Variants in MEMO1 observed in about 807,000 individuals in gnomAD.
MEMO1 encodes protein MEMO1.
Under a neutral mutation model 45.2 loss-of-function variants are expected in MEMO1, and 6 were observed. The observed-to-expected ratio is 0.13, with a 90% CI of 0.07 to 0.26. The LOEUF is 0.26. Among genes scored for constraint, MEMO1 ranks in the 10% least tolerant of loss-of-function variants. The probability of loss-of-function intolerance (pLI) is 1.00; values close to 1 mark genes in which losing one functional copy is unlikely to be tolerated. For missense variants in MEMO1, 184 were observed against 370.5 expected (o/e 0.50, Z 4.13); for synonymous variants, 78 against 124.3 (o/e 0.63, Z 2.48).
At chr2:31,981,664 A>C (rs1189926239) in intron 2 of MEMO1, among the ~76,000 whole-genome samples, 2 of 152,238 alleles carry the variant, frequency 1.3e-5, no homozygotes, top group Admixed American at 1.3e-4. Flanking sequence ...TTTACTCCCA[A>C]GAAAGTTCCC....
chr2:31,951,602 G>A (rs1005085049), intron 2 of MEMO1, among the ~76,000 whole-genome samples: 7 of 150,904 alleles, frequency 4.6e-5, no homozygotes, highest in East Asian at 1.9e-4. Flanking sequence ...GCACGATCTC[G>A]GCTCACTGCA....
At position 31,910,598 on chromosome 2, in the gene MEMO1, T is replaced by C. The variant is rs574259075; in HGVS notation, c.437+7328A>G. Reference sequence around the variant, plus strand: ...GTTGTTAGCCGGGTGCAGTGGCTCCTGCCTGTAATCCTGTACTTTGGGAGG... The same window carrying C: ...GTTGTTAGCCGGGTGCAGTGGCTCCCGCCTGTAATCCTGTACTTTGGGAGG... On this transcript the variant is annotated intron_variant, in intron 6 of 9. Transcript: ENST00000404530. Among the ~76,000 whole-genome samples the C allele has an allele frequency of 3.1e-3, 472 of 152,304 alleles. 2 individuals carry two copies. Among genetic ancestry groups the C allele is most frequent in the African/African-American group, 0.011 (446 of 41,562 alleles).
chr2:31,869,321 A>T (rs990122254), intron 9 of MEMO1, among the ~76,000 whole-genome samples: 1 of 152,160 alleles, frequency 6.6e-6, no homozygotes, highest in Non-Finnish European at 1.5e-5. Flanking sequence ...ATTAGAAGAA[A>T]AAAATGCTAT....
At chr2:32,004,538 A>C (rs1673803452) in intron 2 of MEMO1, among the ~76,000 whole-genome samples, 1 of 152,230 alleles carries the variant, frequency 6.6e-6, no homozygotes, top group South Asian at 2.1e-4. Context: ...GTGTTAGCAA[A>C]GATGAGAAGC....
At position 31,895,096 on chromosome 2, in the gene MEMO1, G is replaced by A. The variant is rs544252593; in HGVS notation, c.438-2962C>T. ...CATAGTGGGAGAGACAGATTCTGCA[G>A]TTGAAGTTCATGAAAGTTCCTAATA... On this transcript the variant is annotated intron_variant, in intron 6 of 9. Transcript: ENST00000404530. Among the ~76,000 whole-genome samples the A allele has an allele frequency of 5.3e-4, 80 of 152,352 alleles. No homozygotes were observed. The Middle Eastern group carries it at 0.017, about 32-fold the overall frequency.
At chr2:31,923,562 AGGCTTACGT>A in intron 4 of MEMO1, 1 of 1,361,458 alleles carries the variant, frequency 7.3e-7, no homozygotes, top group South Asian at 1.9e-5. Flanking sequence ...TTTAAATTAA[AGGCTTACGT>A]GGGCTATAGA....
At chr2:31,897,265 A>G (rs1428409590) in intron 6 of MEMO1, among the ~76,000 whole-genome samples, 1 of 152,224 alleles carries the variant, frequency 6.6e-6, no homozygotes, top group Admixed American at 6.5e-5. Context: ...TATGTTGAAT[A>G]GGAGTGGTGA....
chr2:31,901,590 C>T (rs549533966), intron 6 of MEMO1, among the ~76,000 whole-genome samples: 1 of 151,886 alleles, frequency 6.6e-6, no homozygotes, highest in Non-Finnish European at 1.5e-5. Flanking sequence ...CAAATGAACA[C>T]CAGGTTTCTT....
intron 2 of MEMO1, among the ~76,000 whole-genome samples, chr2:31,972,812 C>T (rs1669566222): frequency 6.6e-6 from 1 of 152,102 alleles, no homozygotes; most frequent in Non-Finnish European, 1.5e-5. Context: ...AACTCAACAA[C>T]AAAAGAGACA....
At chr2:31,958,381 T>C (rs1451286718) in intron 2 of MEMO1, among the ~76,000 whole-genome samples, 1 of 151,612 alleles carries the variant, frequency 6.6e-6, no homozygotes, top group East Asian at 2.0e-4. Context: ...GGTGCCTGGA[T>C]TGAAGTGGTA....
chr2:31,920,286 C>CA (rs1682126734), intron 5 of MEMO1, among the ~76,000 whole-genome samples: 1 of 151,688 alleles, frequency 6.6e-6, no homozygotes, highest in African/African-American at 2.4e-5. Flanking sequence ...ATAAATCAAC[C>CA]AAAATTGTAG....
rs552760692 is a variant in MEMO1 at position 31,994,490 on chromosome 2, C to T, written c.61+15697G>A. 2.0e-4 allele frequency among the ~76,000 whole-genome samples: 31 copies of T among 151,544 alleles called. 1 individual carries two copies. In the East Asian group the frequency reaches 3.6e-3, roughly 18 times the overall value. ...ACTAAAAATACAAAAATTAGCCAGG[C>T]GTGGTGGTGCGTGTCTGCAGTCCCG... On this transcript the variant is annotated intron_variant, in intron 2 of 9. Coordinates refer to ENST00000404530, the MANE Select transcript of MEMO1 (RefSeq NM_001301833.4).
At chr2:31,971,490 A>G (rs1349228459) in intron 2 of MEMO1, among the ~76,000 whole-genome samples, 1 of 152,048 alleles carries the variant, frequency 6.6e-6, no homozygotes, top group Non-Finnish European at 1.5e-5. Flanking sequence ...GTGGCCTCCC[A>G]AAGTGCTGGG....
intron 2 of MEMO1, among the ~76,000 whole-genome samples, chr2:32,001,107 CG>C (rs1437612285): frequency 2.1e-5 from 3 of 141,548 alleles, no homozygotes; most frequent in Non-Finnish European, 4.5e-5. Context: ...GGCGCAATCT[CG>C]GCTCACTGCA....
At chr2:31,986,537 ATT>A (rs1254278344) in intron 2 of MEMO1, among the ~76,000 whole-genome samples, 2 of 152,132 alleles carry the variant, frequency 1.3e-5, no homozygotes, top group Non-Finnish European at 1.5e-5. Context: ...AACCAAAATA[ATT>A]TTCTTTCATA....
intron 2 of MEMO1, among the ~76,000 whole-genome samples, chr2:31,975,913 T>C (rs2148480447): frequency 6.6e-6 from 1 of 152,286 alleles, no homozygotes; most frequent in Middle Eastern, 3.4e-3. Context: ...CTTTGCTTTT[T>C]TGAGACATTC....
rs567560751 is a variant in MEMO1 at position 31,869,318 on chromosome 2, G to GA, written c.762+529dup. ...AAATTAATAGTTTTCCTAATTAGAAGAAAAAAATGCTATTTCTTTTTCTAA... is the reference window on the plus strand; with the variant it reads ...AAATTAATAGTTTTCCTAATTAGAAGAAAAAAAATGCTATTTCTTTTTCTAA... On this transcript the variant is annotated intron_variant, in intron 9 of 9. Coordinates refer to ENST00000404530, the MANE Select transcript of MEMO1 (RefSeq NM_001301833.4). Among the ~76,000 whole-genome samples, 681 of 151,866 alleles carry GA rather than the reference G, an allele frequency of 4.5e-3. 5 individuals are homozygous for GA. Among genetic ancestry groups the GA allele is most frequent in the African/African-American group, 0.016 (647 of 41,492 alleles).
chr2:31,966,347 C>T (rs1033530201), intron 2 of MEMO1, among the ~76,000 whole-genome samples: 2 of 152,166 alleles, frequency 1.3e-5, no homozygotes, highest in Non-Finnish European at 2.9e-5. Flanking sequence ...ACTGGTTATT[C>T]GGTGATCTGT....
In MEMO1 at chr2:31,883,568, G is replaced by C. The variant is rs1211475465; in HGVS notation, c.581-106C>G. 4 of 748,562 alleles carry C rather than the reference G, an allele frequency of 5.3e-6. No homozygotes were observed. The African/African-American group carries it at 5.5e-5, about 10-fold the overall frequency. 46.4% of individuals were successfully genotyped at this position (748,562 alleles called of 1,614,324 possible). ...CAGTTCTCATGAAAGGCAAAGCACAGCTTAAGCCTCTGAGAGAATCATTCC... is the reference window on the plus strand; with the variant it reads ...CAGTTCTCATGAAAGGCAAAGCACACCTTAAGCCTCTGAGAGAATCATTCC... On this transcript the variant is annotated intron_variant, in intron 7 of 9. Transcript: ENST00000404530.
Sources: gnomAD v4.1 joint callset for allele counts (sites outside exome capture counted in the v4.1 genomes callset) on GRCh38, gnomAD v4.1.1 for gene constraint, MANE v1.5 for transcripts, NCBI Gene and HGNC (gene_info 2026-07-23, HGNC 2026-07-21) for gene names.